Variants in ERBB4 observed in about 807,000 individuals in gnomAD.
ERBB4 encodes the protein receptor tyrosine-protein kinase erbB-4.
In ERBB4, 42 loss-of-function variants were observed where a neutral mutation model predicts 158.0. The observed-to-expected ratio is 0.27, with a 90% confidence interval of 0.21 to 0.34. ERBB4 has a LOEUF of 0.34. Among genes scored for constraint, ERBB4 ranks in the 10% least tolerant of loss-of-function variants. ERBB4 has a pLI of 1.00. For synonymous variants in ERBB4, 583 were observed against 558.7 expected, an observed-to-expected ratio of 1.04 and a Z score of -0.61; for missense variants, 1,333 against 1,624.1, an observed-to-expected ratio of 0.82 and a Z score of 3.08.
chr2:211,417,533 G>C (rs2125396489), intron 25 of ERBB4, among the ~76,000 whole-genome samples: 1 of 152,254 alleles, frequency 6.6e-6, no homozygotes, highest in African/African-American at 2.4e-5. Flanking sequence ...AACAGCAGCT[G>C]TAAATTAGGT....
chr2:211,863,934 C>T (rs1186451405), intron 3 of ERBB4, among the ~76,000 whole-genome samples: 1 of 152,022 alleles, frequency 6.6e-6, no homozygotes, highest in African/African-American at 2.4e-5. Flanking sequence ...TTTTCTTGAC[C>T]CTCTGCTTCA....
intron 2 of ERBB4, among the ~76,000 whole-genome samples, chr2:212,090,909 T>C (rs1450462216): frequency 6.6e-6 from 1 of 152,302 alleles, no homozygotes; most frequent in African/African-American, 2.4e-5. Flanking sequence ...TGATGACATG[T>C]GCAATTCTTC....
chr2:211,619,283 G>GA lies in ERBB4; in HGVS notation c.2203-9dup, dbSNP rs761151400. The GA allele has an allele frequency of 5.2e-6, 8 of 1,528,728 alleles. No homozygotes were observed. Among genetic ancestry groups the GA allele is most frequent in the South Asian group, 1.1e-5 (1 of 89,344 alleles). The allele number at this position is 1,528,728 out of a possible 1,614,324, so 94.7% of individuals were successfully genotyped here. On this transcript the variant is annotated splice_polypyrimidine_tract_variant and intron_variant, in intron 18 of 27. Transcript: ENST00000342788. ...TTCAGGTACCCAAATACCCTTTGGG[G>GA]AAAAAAATTTACATTAAATATGACA...
At position 212,142,254 on chromosome 2, in the gene ERBB4, C is replaced by T. The variant is rs150122197; in HGVS notation, c.83-17351G>A. On this transcript the variant is annotated intron_variant, in intron 1 of 27. Coordinates refer to ENST00000342788, the MANE Select transcript of ERBB4 (RefSeq NM_005235.3). ...TTATATCTTCATTTACCATGTAAGC[C>T]CTATGAGGGCAGGAACTCTGTTTTG... is the stretch of plus-strand genomic sequence containing the variant. Among the ~76,000 whole-genome samples, 1,002 of 151,972 alleles carry T rather than the reference C, an allele frequency of 6.6e-3. 7 individuals carry two copies. Among genetic ancestry groups the T allele is most frequent in the Middle Eastern group, 0.024 (7 of 294 alleles).
chr2:212,272,728 G>A (rs1265302347), intron 1 of ERBB4, among the ~76,000 whole-genome samples: 2 of 151,658 alleles, frequency 1.3e-5, no homozygotes, highest in African/African-American at 2.4e-5. Context: ...ATAAAATTAT[G>A]AGATCAAATA....
rs73081355 is a variant in ERBB4 at position 211,984,709 on chromosome 2, T to G, written c.235-37093A>C. On this transcript the variant is annotated intron_variant, in intron 2 of 27. Coordinates refer to ENST00000342788, the MANE Select transcript of ERBB4 (RefSeq NM_005235.3). ...CTATCTTATTAGAATAAAACAACTTTCAGCCATGTTCAAAAGTTTAGCATA... is the reference window on the plus strand; with the variant it reads ...CTATCTTATTAGAATAAAACAACTTGCAGCCATGTTCAAAAGTTTAGCATA... Among the ~76,000 whole-genome samples, 559 of 152,268 alleles carry G rather than the reference T, an allele frequency of 3.7e-3. 2 individuals are homozygous for G. The highest frequency in any genetic ancestry group is 0.013 in the African/African-American group (533 of 41,566).
chr2:212,407,042 C>T (rs79210557), intron 1 of ERBB4, among the ~76,000 whole-genome samples: 2,179 of 152,036 alleles, frequency 0.014, 51 homozygotes, highest in African/African-American at 0.05. Context: ...AAGCCTTTCC[C>T]GAACCCCACT....
At chr2:211,414,758 A>G (rs1300846606) in intron 25 of ERBB4, among the ~76,000 whole-genome samples, 1 of 152,036 alleles carries the variant, frequency 6.6e-6, no homozygotes, top group Non-Finnish European at 1.5e-5. Context: ...TCCCTCCTCC[A>G]TCCCCTCTGT....
intron 1 of ERBB4, among the ~76,000 whole-genome samples, chr2:212,475,827 T>C (rs1390118386): frequency 1.3e-5 from 2 of 152,126 alleles, no homozygotes. Context: ...ACCAATTCTA[T>C]ATCCTAAACA....
chr2:212,273,621 C>T (rs2085419844), intron 1 of ERBB4, among the ~76,000 whole-genome samples: 2 of 151,680 alleles, frequency 1.3e-5, no homozygotes, highest in Non-Finnish European at 2.9e-5. Flanking sequence ...ACATTCATCC[C>T]CACACAAAAA....
intron 2 of ERBB4, among the ~76,000 whole-genome samples, chr2:211,955,226 G>A (rs2080994406): frequency 1.3e-5 from 2 of 151,994 alleles, no homozygotes; most frequent in African/African-American, 4.8e-5. Flanking sequence ...GTTGCTATGA[G>A]TTCTACTTTC....
At chr2:212,286,620 TG>T (rs1361475856) in intron 1 of ERBB4, among the ~76,000 whole-genome samples, 4 of 122,886 alleles carry the variant, frequency 3.3e-5, no homozygotes, top group African/African-American at 1.1e-4. Context: ...TTTTTTTTTT[TG>T]ACACAGAGTC....
At chr2:212,328,741 T>C (rs2087986025) in intron 1 of ERBB4, among the ~76,000 whole-genome samples, 1 of 151,986 alleles carries the variant, frequency 6.6e-6, no homozygotes, top group Non-Finnish European at 1.5e-5. Context: ...TAGAGACAAA[T>C]CTAAATTTTT....
In ERBB4 at chr2:212,314,212, A is replaced by T. The variant is rs567659548; in HGVS notation, c.83-189309T>A. ...CCAAAAATATTTTTAAAAGCATTGA[A>T]TTGAAAATCTTGTTTTTAAGTTTGT... On this transcript the variant is annotated intron_variant, in intron 1 of 27. Coordinates refer to ENST00000342788, the MANE Select transcript of ERBB4 (RefSeq NM_005235.3). 7.3e-5 allele frequency among the ~76,000 whole-genome samples: 11 copies of T among 151,292 alleles called. No homozygotes were observed. In the East Asian group the frequency reaches 2.0e-3, roughly 27 times the overall value.
chr2:211,704,408 C>A (rs541255477), intron 10 of ERBB4, among the ~76,000 whole-genome samples: 1 of 152,274 alleles, frequency 6.6e-6, no homozygotes, highest in South Asian at 2.1e-4. Context: ...GTTTCAATGA[C>A]TCAGTTTGAT....
chr2:211,740,611 C>G (rs370860466), intron 5 of ERBB4, among the ~76,000 whole-genome samples: 3 of 138,372 alleles, frequency 2.2e-5, no homozygotes, highest in African/African-American at 8.0e-5. Flanking sequence ...TTAATTATTT[C>G]TTTTCTTTGT....
At chr2:211,425,489 CTGAT>C (rs1188511875) in intron 22 of ERBB4, among the ~76,000 whole-genome samples, 1 of 151,856 alleles carries the variant, frequency 6.6e-6, no homozygotes, top group Admixed American at 6.6e-5. Context: ...ATTTAATTGA[CTGAT>C]TGTTATTACA....
intron 3 of ERBB4, among the ~76,000 whole-genome samples, chr2:211,816,892 C>T (rs1252999559): frequency 1.3e-5 from 2 of 152,118 alleles, no homozygotes; most frequent in African/African-American, 4.8e-5. Context: ...ACTGTGTTCC[C>T]ATAGGTACTG....
intron 2 of ERBB4, among the ~76,000 whole-genome samples, chr2:211,970,220 AT>A (rs1394117416): frequency 1.3e-5 from 2 of 152,130 alleles, no homozygotes; most frequent in Admixed American, 1.3e-4. Flanking sequence ...CTTAGTCTAA[AT>A]TTCAAATTTG....
Sources: gnomAD v4.1 joint callset for allele counts (sites outside exome capture counted in the v4.1 genomes callset) on GRCh38, gnomAD v4.1.1 for gene constraint, MANE v1.5 for transcripts, NCBI Gene and HGNC (gene_info 2026-07-23, HGNC 2026-07-21) for gene names.